SLC35E1: variants seen among roughly 807,000 people sequenced by gnomAD.
SLC35E1 encodes the protein solute carrier family 35, member E1.
Under a neutral mutation model 31.0 loss-of-function variants are expected in SLC35E1, and 12 were observed. The observed-to-expected ratio is 0.39, with a 90% CI of 0.25 to 0.63. The LOEUF (loss-of-function observed/expected upper bound fraction) is 0.63, where lower values mean the gene tolerates loss of function less well. Ranked by LOEUF, SLC35E1 falls within the 20% of genes least tolerant of loss-of-function variation. The pLI is 0.52. For synonymous variants in SLC35E1, 257 were observed against 264.1 expected (o/e 0.97, Z 0.26); for missense variants, 429 against 572.2 (o/e 0.75, Z 2.55).
intron 3 of SLC35E1, among the ~76,000 whole-genome samples, chr19:16,567,151 C>T (rs2085936415): frequency 6.6e-6 from 1 of 152,122 alleles, no homozygotes; most frequent in Non-Finnish European, 1.5e-5. Flanking sequence ...ACTGTGGTAC[C>T]TGAAAAGTGT....
chr19:16,564,255 AG>A (rs1357373458), intron 4 of SLC35E1: 1 of 152,414 alleles, frequency 6.6e-6, no homozygotes, highest in Non-Finnish European at 1.5e-5. Flanking sequence ...CAGTGCTAGA[AG>A]GGCAAGGAGC....
intron 4 of SLC35E1, chr19:16,565,363 A>T (rs558007604): frequency 6.2e-6 from 2 of 322,888 alleles, no homozygotes; most frequent in Non-Finnish European, 1.2e-5. Flanking sequence ...GGCGTGCACC[A>T]CCACGCCTGG....
At position 16,551,382 on chromosome 19, in the gene SLC35E1, A is replaced by T. The variant is rs1332756197; in HGVS notation, c.*2297T>A. On this transcript the variant is annotated 3_prime_UTR_variant, in exon 6 of 6. Transcript: ENST00000595753. ...AGGAGTGTCCCATGTGTCAGCTGAC[A>T]TAACATCTTAAATACAGAATTCCAA... 1 of 152,262 alleles carries T rather than the reference A, an allele frequency of 6.6e-6. No individual in the cohort carries two copies. Among genetic ancestry groups the T allele is most frequent in the Admixed American group, 6.5e-5 (1 of 15,278 alleles). 9.4% of individuals were successfully genotyped at this position (152,262 alleles called of 1,614,324 possible). A position where few individuals can be genotyped will look rare whatever the true frequency, so the allele number is the denominator to read the frequency against.
chr19:16,564,936 T>C (rs1184925770), intron 4 of SLC35E1: 6 of 322,684 alleles, frequency 1.9e-5, no homozygotes, highest in Non-Finnish European at 3.1e-5. Flanking sequence ...ATTGGGAAAA[T>C]AGAGGTAATA....
intron 4 of SLC35E1, among the ~76,000 whole-genome samples, chr19:16,561,963 G>A (rs1278101198): frequency 6.6e-6 from 1 of 152,146 alleles, no homozygotes; most frequent in Non-Finnish European, 1.5e-5. Flanking sequence ...CAAGGCGGGA[G>A]GATGGCTTAA....
At chr19:16,560,967 C>T (rs1162668289) in intron 4 of SLC35E1, among the ~76,000 whole-genome samples, 2 of 141,676 alleles carry the variant, frequency 1.4e-5, no homozygotes, top group Non-Finnish European at 1.5e-5. Flanking sequence ...TTTGGGAGGT[C>T]GAGGCAGGCA....
intron 5 of SLC35E1, among the ~76,000 whole-genome samples, chr19:16,554,632 C>G (rs1014256865): frequency 7.9e-5 from 12 of 152,014 alleles, no homozygotes; most frequent in African/African-American, 2.7e-4. Context: ...GCTGGCCTGG[C>G]CAAGATGGTG....
Position 16,572,339 on chromosome 19 carries a change from C to G in SLC35E1, c.26G>C (p.Gly9Ala). 1 of 1,090,336 alleles carries G rather than the reference C, an allele frequency of 9.2e-7. No homozygotes were observed. Among genetic ancestry groups the G allele is most frequent in the Non-Finnish European group, 1.1e-6 (1 of 892,862 alleles). 67.5% of individuals were successfully genotyped at this position (1,090,336 alleles called of 1,614,324 possible). The part of the protein sequence containing the change: MAAAAVGA[G>A]HGAGGPGAAS... ...TGCGCCCGGGCCCCCCGCGCCGTGG[C>G]CCGCGCCCACCGCGGCCGCCGCCAT... The change falls in exon 1 of 6, where the codon GGC becomes GCC. Residue 9 changes from glycine to alanine, a missense_variant. By Grantham distance (60) the Gly-to-Ala change is moderately conservative (BLOSUM62 0). Coordinates refer to ENST00000595753, the MANE Select transcript of SLC35E1 (RefSeq NM_024881.5). The surrounding 1 kb of genome is among the most constrained non-coding windows in gnomAD (Gnocchi z 4.1).
rs1411639337 is a variant in SLC35E1, at chr19:16,566,578, G to A, written c.710C>T (p.Thr237Ile). Residue 237 changes from threonine (T) to isoleucine (I), a missense_variant, in exon 4 of 6, where the codon ACC (threonine) becomes ATC (isoleucine). Thr to Ile is a moderately conservative substitution (Grantham distance 89). Transcript: ENST00000595753. ...GCHAVFFMIP[T>I]WVLVDLSAFL... is the part of the protein sequence containing the mutation. ...AGCCGAGAGGTCCACCAGAACCCAGGTGGGGATCATAAAGAAGACGGCGTG... is the reference window on the plus strand; with the variant it reads ...AGCCGAGAGGTCCACCAGAACCCAGATGGGGATCATAAAGAAGACGGCGTG... The A allele has an allele frequency of 6.2e-7, 1 of 1,612,802 alleles. No homozygotes were observed. Among genetic ancestry groups the A allele is most frequent in the Admixed American group, 1.7e-5 (1 of 60,026 alleles).
intron 4 of SLC35E1, among the ~76,000 whole-genome samples, chr19:16,557,304 C>T (rs1388469202): frequency 2.0e-5 from 3 of 152,032 alleles, no homozygotes; most frequent in Admixed American, 2.0e-4. Context: ...CGCCATTCTC[C>T]TGCCTCAGCC....
Position 16,551,759 on chromosome 19 carries a change from T to C in SLC35E1, c.*1920A>G, listed in dbSNP as rs942616750. 6.6e-6 allele frequency: 1 copy of C among 150,630 alleles called. No individual in the cohort carries two copies. Among genetic ancestry groups the C allele is most frequent in the Non-Finnish European group, 1.5e-5 (1 of 67,896 alleles). The allele number at this position is 150,630 out of a possible 1,614,324, so 9.3% of individuals were successfully genotyped here. A position where few individuals can be genotyped will look rare whatever the true frequency, so the allele number is the denominator to read the frequency against. Reference sequence around the variant, plus strand: ...CAAGACCCAAACTGATTCCTTTTTTTTTTTTTTTTTTTTGAGACAGAGTCT... The same window carrying C: ...CAAGACCCAAACTGATTCCTTTTTTCTTTTTTTTTTTTTGAGACAGAGTCT... On this transcript the variant is annotated 3_prime_UTR_variant, in exon 6 of 6. Coordinates refer to ENST00000595753, the MANE Select transcript of SLC35E1 (RefSeq NM_024881.5).
At chr19:16,560,000 C>T (rs1376596288) in intron 4 of SLC35E1, among the ~76,000 whole-genome samples, 2 of 152,160 alleles carry the variant, frequency 1.3e-5, no homozygotes, top group Non-Finnish European at 2.9e-5. Context: ...CTTGACCAGC[C>T]TTCTGTGGGT....
intron 2 of SLC35E1, 85 bp downstream of exon 2, chr19:16,571,427 C>A: frequency 5.5e-6 from 8 of 1,444,786 alleles, no homozygotes; most frequent in Non-Finnish European, 7.8e-6. Flanking sequence ...AGCCTGCAGA[C>A]CAGGATCCTG....
intron 5 of SLC35E1, among the ~76,000 whole-genome samples, chr19:16,554,733 G>A (rs535444940): frequency 1.3e-5 from 2 of 150,192 alleles, no homozygotes; most frequent in East Asian, 2.0e-4. Context: ...CAGGAGAATC[G>A]CTTGACCCCG....
chr19:16,553,527 TCA>T lies in SLC35E1; in HGVS notation c.*150_*151del. On this transcript the variant is annotated 3_prime_UTR_variant, in exon 6 of 6. Transcript: ENST00000595753. ...TGCAGGCAACGCATCCTCCTGCGGCTCACGGGGGGCCAGGAACCCCAGGGCTT... is the reference window on the plus strand; with the variant it reads ...TGCAGGCAACGCATCCTCCTGCGGCTCGGGGGGCCAGGAACCCCAGGGCTT... 1.5e-6 allele frequency: 1 copy of T among 653,682 alleles called. No homozygotes were observed. 40.5% of individuals were successfully genotyped at this position (653,682 alleles called of 1,614,324 possible).
rs1332756197 is a variant in SLC35E1 at position 16,551,382 on chromosome 19, A to G, written c.*2297T>C. 3 of 152,262 alleles carry G rather than the reference A, an allele frequency of 2.0e-5. No homozygotes were observed. Among genetic ancestry groups the G allele is most frequent in the Non-Finnish European group, 4.4e-5 (3 of 68,052 alleles). The allele number at this position is 152,262 out of a possible 1,614,324, so 9.4% of individuals were successfully genotyped here. On this transcript the variant is annotated 3_prime_UTR_variant, in exon 6 of 6. Coordinates refer to ENST00000595753, the MANE Select transcript of SLC35E1 (RefSeq NM_024881.5). ...AGGAGTGTCCCATGTGTCAGCTGAC[A>G]TAACATCTTAAATACAGAATTCCAA...
chr19:16,558,169 G>A (rs1422991661), intron 4 of SLC35E1, among the ~76,000 whole-genome samples: 4 of 151,202 alleles, frequency 2.6e-5, no homozygotes, highest in South Asian at 4.2e-4. Context: ...TCAGCCTCCC[G>A]AGTAGCTGGG....
chr19:16,553,962 G>A (rs1027107167), intron 5 of SLC35E1, 53 bp from the exon 6 acceptor site: 8 of 1,457,208 alleles, frequency 5.5e-6, no homozygotes, highest in East Asian at 4.8e-5. Context: ...ATAAGAGCTC[G>A]TAATTCAAAG....
At chr19:16,571,858 G>C in intron 1 of SLC35E1, 86 bp downstream of exon 1, 1 of 1,372,314 alleles carries the variant, frequency 7.3e-7, no homozygotes, top group Non-Finnish European at 9.8e-7. Context: ...GGCGGGACGC[G>C]CCCCGGGCGG....
Sources: allele counts gnomAD v4.1 joint callset (sites outside exome capture counted in the v4.1 genomes callset), GRCh38; gene constraint gnomAD v4.1.1; non-coding constraint Gnocchi (gnomAD v3.1); transcripts MANE v1.5; gene names NCBI Gene and HGNC (gene_info 2026-07-23, HGNC 2026-07-21).